Variants in FMN2 observed in about 807,000 individuals in gnomAD.
The protein encoded by FMN2 is formin 2, also known as formin-2.
A neutral mutation model predicts 142.3 loss-of-function variants in FMN2; 51 were observed. The observed-to-expected ratio is 0.36, with a 90% CI of 0.29 to 0.45. The LOEUF (loss-of-function observed/expected upper bound fraction) is 0.45, where lower values mean the gene tolerates loss of function less well. Ranked by LOEUF, FMN2 falls within the 20% of genes least tolerant of loss-of-function variation. The pLI is 1.00. For missense variants in FMN2, 1,936 were observed against 2,122.8 expected, an observed-to-expected ratio of 0.91 and a Z score of 1.73; for synonymous variants, 882 against 869.8, an observed-to-expected ratio of 1.01 and a Z score of -0.25.
intron 7 of FMN2, among the ~76,000 whole-genome samples, chr1:240,264,692 C>G (rs1341544209): frequency 6.6e-6 from 1 of 152,164 alleles, no homozygotes; most frequent in Non-Finnish European, 1.5e-5. Context: ...TCACCTATAT[C>G]CCTGCAAATG....
At chr1:240,289,734 G>A (rs550866576) in intron 7 of FMN2, among the ~76,000 whole-genome samples, 1 of 152,110 alleles carries the variant, frequency 6.6e-6, no homozygotes, top group South Asian at 2.1e-4. Context: ...TACTTAATCT[G>A]GCTATTCAAA....
At chr1:240,294,971 T>G in intron 8 of FMN2, 88 bp downstream of exon 8, 3 of 1,183,236 alleles carry the variant, frequency 2.5e-6, no homozygotes, top group Non-Finnish European at 3.6e-6. Context: ...TGTTTTAAGG[T>G]CCTCTAAAGA....
intron 14 of FMN2, among the ~76,000 whole-genome samples, chr1:240,361,749 G>A (rs1190198389): frequency 6.6e-6 from 1 of 152,234 alleles, no homozygotes; most frequent in Non-Finnish European, 1.5e-5. Flanking sequence ...TTGGCATAGA[G>A]ATCTGAGATT....
intron 16 of FMN2, among the ~76,000 whole-genome samples, chr1:240,460,070 T>C (rs1676395977): frequency 6.6e-6 from 1 of 152,162 alleles, no homozygotes; most frequent in Non-Finnish European, 1.5e-5. Flanking sequence ...GAGAATGTGG[T>C]GGTTGTTTTT....
At chr1:240,124,933 TG>T (rs1203941212) in intron 2 of FMN2, among the ~76,000 whole-genome samples, 1 of 152,196 alleles carries the variant, frequency 6.6e-6, no homozygotes, top group Non-Finnish European at 1.5e-5. Flanking sequence ...CCCAAAGTGC[TG>T]GGATTACAGG....
intron 14 of FMN2, among the ~76,000 whole-genome samples, chr1:240,362,063 G>A (rs915839518): frequency 6.6e-6 from 1 of 152,192 alleles, no homozygotes; most frequent in African/African-American, 2.4e-5. Flanking sequence ...GAAGGTGGGG[G>A]TCAGTGGACG....
chr1:240,123,254 G>C lies in FMN2; in HGVS notation c.1691G>C (p.Arg564Pro), dbSNP rs539147063. The C allele has an allele frequency of 1.2e-5, 20 of 1,613,984 alleles. No homozygotes were observed. The highest frequency in any genetic ancestry group is 1.7e-5 in the Admixed American group (1 of 60,002). ...PPEEAEKFCS[R>P]IIAMGLLLPF... ...GAAGAAGCAGAGAAGTTTTGCTCCC[G>C]GATCATTGCCATGGGTCTTCTCCTT... The change falls in exon 2 of 18, where the codon CGG (arginine) becomes CCG (proline). Residue 564 changes from arginine (R) to proline (P), a missense_variant. Around this residue, in one of 8 missense-constraint regions of FMN2, gnomAD observed 751 missense variants for 791.8 expected, o/e 0.95. Transcript: ENST00000319653.
intron 13 of FMN2, among the ~76,000 whole-genome samples, chr1:240,346,373 T>C (rs908196004): frequency 1.3e-5 from 2 of 152,028 alleles, no homozygotes; most frequent in African/African-American, 2.4e-5. Flanking sequence ...ACAAATGTGG[T>C]ATCTCTCTCT....
chr1:240,092,530 G>T lies in FMN2; in HGVS notation c.421G>T (p.Val141Leu). 2 of 1,610,686 alleles carry T rather than the reference G, an allele frequency of 1.2e-6. No individual in the cohort carries two copies. The highest frequency in any genetic ancestry group is 8.5e-7 in the Non-Finnish European group (1 of 1,178,736). The change falls in exon 1 of 18, where the codon GTG becomes TTG. Residue 141 changes from valine to leucine, a missense_variant. Val to Leu is a conservative substitution (Grantham distance 32, BLOSUM62 1). Coordinates refer to ENST00000319653, the MANE Select transcript of FMN2 (RefSeq NM_020066.5). Reference protein sequence around the residue: ...SDTECADPFEVTGPGGPGPAE... With the variant: ...SDTECADPFELTGPGGPGPAE... ...TACCGAGTGTGCGGACCCTTTTGAG[G>T]TGACCGGTCCAGGGGGTCCTGGGCC...
At position 240,093,259 on chromosome 1, in the gene FMN2, G is replaced by A; in HGVS notation, c.1150G>A (p.Glu384Lys). Reference sequence around the variant, plus strand: ...GCAGAGGCTGGGGGAAGAGCCGGAGGAGGAGGCGCAAGGACCTGACGCCCC... The same window carrying A: ...GCAGAGGCTGGGGGAAGAGCCGGAGAAGGAGGCGCAAGGACCTGACGCCCC... ...APQRLGEEPE[E>K]EAQGPDAPAA... Residue 384 changes from glutamate (E) to lysine (K), a missense_variant, in exon 1 of 18, where the codon GAG becomes AAG. Physicochemically the swap from Glu to Lys is moderately conservative, Grantham distance 56 (BLOSUM62 1). Around this residue, in one of 8 missense-constraint regions of FMN2, gnomAD observed 751 missense variants for 791.8 expected, o/e 0.95. Transcript: ENST00000319653. 1 of 1,589,534 alleles carries A rather than the reference G, an allele frequency of 6.3e-7. No homozygotes were observed. Among genetic ancestry groups the A allele is most frequent in the South Asian group, 1.1e-5 (1 of 87,564 alleles).
At chr1:240,109,166 C>T (rs1661716847) in intron 1 of FMN2, among the ~76,000 whole-genome samples, 1 of 152,214 alleles carries the variant, frequency 6.6e-6, no homozygotes, top group African/African-American at 2.4e-5. Context: ...GGACATAAAA[C>T]TCAGTACAAA....
chr1:240,305,711 T>A (rs1670364221), intron 8 of FMN2, among the ~76,000 whole-genome samples: 1 of 152,230 alleles, frequency 6.6e-6, no homozygotes, highest in Admixed American at 6.5e-5. Flanking sequence ...CCAAGGAATG[T>A]GTCTATTGTG....
chr1:240,450,493 CTTG>C (rs1009473544), intron 16 of FMN2, among the ~76,000 whole-genome samples: 6 of 152,198 alleles, frequency 3.9e-5, no homozygotes, highest in African/African-American at 1.4e-4. Flanking sequence ...GTCATTTTAT[CTTG>C]TTGGTAATAC....
At chr1:240,251,882 CTTAA>C (rs1188629295) in intron 6 of FMN2, among the ~76,000 whole-genome samples, 2 of 152,024 alleles carry the variant, frequency 1.3e-5, no homozygotes, top group African/African-American at 4.8e-5. Flanking sequence ...AAGTCATTTC[CTTAA>C]TTGATTTCTG....
chr1:240,170,869 G>T (rs1194677635), intron 2 of FMN2: 29 of 807,216 alleles, frequency 3.6e-5, no homozygotes, highest in Non-Finnish European at 1.4e-5. Flanking sequence ...AAGGGCTAAA[G>T]AGTTTGGAGC....
At chr1:240,286,210 C>A (rs1366505446) in intron 7 of FMN2, among the ~76,000 whole-genome samples, 1 of 152,044 alleles carries the variant, frequency 6.6e-6, no homozygotes, top group Non-Finnish European at 1.5e-5. Context: ...GGGAGGAGGG[C>A]TGAATGGAGG....
At chr1:240,437,782 A>T (rs1675449967) in intron 15 of FMN2, among the ~76,000 whole-genome samples, 1 of 152,164 alleles carries the variant, frequency 6.6e-6, no homozygotes, top group Non-Finnish European at 1.5e-5. Context: ...TGACAAGTTC[A>T]TTTCTGGAGT....
intron 6 of FMN2, among the ~76,000 whole-genome samples, chr1:240,219,313 T>C (rs1410866985): frequency 6.6e-6 from 1 of 152,180 alleles, no homozygotes; most frequent in Non-Finnish European, 1.5e-5. Context: ...TATCCTTCTT[T>C]ACCATGGACA....
intron 4 of FMN2, among the ~76,000 whole-genome samples, chr1:240,189,317 A>C (rs1314052849): frequency 6.6e-6 from 1 of 152,182 alleles, no homozygotes; most frequent in African/African-American, 2.4e-5. Context: ...TAGTATTAGA[A>C]ATGAACAGTA....
Sources: gnomAD v4.1 joint callset for allele counts (sites outside exome capture counted in the v4.1 genomes callset) on GRCh38, gnomAD v4.1.1 for gene constraint, gnomAD v4.1.1 regional missense constraint, MANE v1.5 for transcripts, NCBI Gene and HGNC (gene_info 2026-07-23, HGNC 2026-07-21) for gene names.